Variants in PDZD8 observed in about 807,000 individuals in gnomAD.
PDZD8 encodes PDZ domain-containing protein 8.
A neutral mutation model predicts 85.8 loss-of-function variants in PDZD8; 14 were observed. The ratio of observed to expected loss-of-function variants is 0.16; its 90% CI spans 0.11 to 0.26. PDZD8 has a LOEUF of 0.26. Ranked by LOEUF, PDZD8 falls within the 10% of genes least tolerant of loss-of-function variation. The pLI is 1.00. For synonymous variants in PDZD8, 592 were observed against 568.6 expected (o/e 1.04, Z -0.59); for missense variants, 1,197 against 1,424.3 (o/e 0.84, Z 2.57).
intron 3 of PDZD8, among the ~76,000 whole-genome samples, chr10:117,308,223 C>T (rs1843976806): frequency 6.6e-6 from 1 of 152,160 alleles, no homozygotes; most frequent in Admixed American, 6.5e-5. Flanking sequence ...AATAAGCTTG[C>T]TGATATTCTC....
chr10:117,370,810 T>C (rs1317064068), intron 1 of PDZD8, among the ~76,000 whole-genome samples: 1 of 152,172 alleles, frequency 6.6e-6, no homozygotes, highest in East Asian at 1.9e-4. Context: ...ATCAGCTTTA[T>C]AGTCATACTC....
chr10:117,284,743 C>G lies in PDZD8; in HGVS notation c.1990G>C (p.Glu664Gln), dbSNP rs762088610. Residue 664 changes from glutamate to glutamine, a missense_variant, in exon 5 of 5, where the codon GAA becomes CAA. By Grantham distance (29) the Glu-to-Gln change is conservative. Around this residue, in one of 4 missense-constraint regions of PDZD8, gnomAD observed 263 missense variants for 261.9 expected, o/e 1.00. Coordinates refer to ENST00000334464, the MANE Select transcript of PDZD8 (RefSeq NM_173791.5). ...CTGTCCTTAGTAGGGCAGGAAGTTT[C>G]TGAAGTGACATCTTTGGCCACTTCT... ...KQEVAKDVTSETSCPTKDSSD... is the reference protein window; with the variant it reads ...KQEVAKDVTSQTSCPTKDSSD... 1.2e-6 allele frequency: 2 copies of G among 1,614,212 alleles called. No homozygotes were observed. Among genetic ancestry groups the G allele is most frequent in the Non-Finnish European group, 8.5e-7 (1 of 1,180,026 alleles).
chr10:117,368,806 T>G (rs1043361754), intron 1 of PDZD8, among the ~76,000 whole-genome samples: 1 of 152,072 alleles, frequency 6.6e-6, no homozygotes, highest in African/African-American at 2.4e-5. Context: ...CATTTTTTTT[T>G]TTCTGGCAGA....
chr10:117,321,367 C>G (rs1006854356), intron 2 of PDZD8, among the ~76,000 whole-genome samples: 1 of 152,036 alleles, frequency 6.6e-6, no homozygotes, highest in Non-Finnish European at 1.5e-5. Flanking sequence ...TGAAAAACTT[C>G]TAAGTGAAAT....
chr10:117,307,115 C>A (rs1010833753), intron 3 of PDZD8, among the ~76,000 whole-genome samples: 5 of 152,080 alleles, frequency 3.3e-5, no homozygotes, highest in Admixed American at 3.3e-4. Flanking sequence ...TTTAAGAACA[C>A]ACAAGCATAT....
In PDZD8 at chr10:117,278,984, T is replaced by C. The variant is rs1244154209; in HGVS notation, c.*4284A>G. ...CAAATTGGTTCTCTTTGAGGGTTTC[T>C]GGTTCTCCCTGCCCCCAATACCATA... On this transcript the variant is annotated 3_prime_UTR_variant, in exon 5 of 5. Coordinates refer to ENST00000334464, the MANE Select transcript of PDZD8 (RefSeq NM_173791.5). The C allele has an allele frequency of 6.6e-6, 1 of 152,222 alleles. No homozygotes were observed. Among genetic ancestry groups the C allele is most frequent in the African/African-American group, 2.4e-5 (1 of 41,450 alleles). 9.4% of individuals were successfully genotyped at this position (152,222 alleles called of 1,614,324 possible).
At position 117,322,190 on chromosome 10, in the gene PDZD8, G is replaced by A. The variant is rs556955228; in HGVS notation, c.996-3216C>T. On this transcript the variant is annotated intron_variant, in intron 2 of 4. Transcript: ENST00000334464. ...ATCCTAATAAGAACAAACCAAATAA[G>A]GGGCCCAAACAGACTTATAACTAAA... Among the ~76,000 whole-genome samples, 11 of 152,252 alleles carry A rather than the reference G, an allele frequency of 7.2e-5. No individual in the cohort carries two copies. In the South Asian group the frequency reaches 2.3e-3, roughly 32 times the overall value.
At chr10:117,354,870 C>T (rs1457698823) in intron 1 of PDZD8, among the ~76,000 whole-genome samples, 1 of 152,148 alleles carries the variant, frequency 6.6e-6, no homozygotes, top group Non-Finnish European at 1.5e-5. Flanking sequence ...ATTTATTATG[C>T]TTCAGAGCCA....
chr10:117,283,652 C>T lies in PDZD8; in HGVS notation c.3081G>A (p.Leu1027=). Residue 1027 remains leucine (L), a synonymous_variant, in exon 5 of 5, where the codon TTG becomes TTA. Coordinates refer to ENST00000334464, the MANE Select transcript of PDZD8 (RefSeq NM_173791.5). ...KEIGRDLYRG[L]PTEERIQKLE... Reference sequence around the variant, plus strand: ...GTTTCTGGATCCTTTCCTCTGTAGGCAAGCCCCTGTACAGATCACGACCAA... The same window carrying T: ...GTTTCTGGATCCTTTCCTCTGTAGGTAAGCCCCTGTACAGATCACGACCAA... 6.2e-7 allele frequency: 1 copy of T among 1,614,220 alleles called. No individual in the cohort carries two copies. Among genetic ancestry groups the T allele is most frequent in the Non-Finnish European group, 8.5e-7 (1 of 1,180,042 alleles).
intron 1 of PDZD8, among the ~76,000 whole-genome samples, chr10:117,360,426 T>G (rs10787770): frequency 6.6e-6 from 1 of 151,796 alleles, no homozygotes; most frequent in African/African-American, 2.4e-5. Flanking sequence ...ATCCAAACTC[T>G]TATTCTTTCC....
At chr10:117,350,877 C>T (rs574622490) in intron 1 of PDZD8, among the ~76,000 whole-genome samples, 25 of 140,476 alleles carry the variant, frequency 1.8e-4, no homozygotes, top group Admixed American at 7.2e-4. Context: ...GCACTCCAGC[C>T]TGGGTGACAA....
At chr10:117,358,036 A>G (rs1844931391) in intron 1 of PDZD8, among the ~76,000 whole-genome samples, 1 of 152,124 alleles carries the variant, frequency 6.6e-6, no homozygotes, top group Admixed American at 6.6e-5. Context: ...GACAACTGTT[A>G]AAGATGAGTG....
Position 117,285,240 on chromosome 10 carries a change from A to G in PDZD8, c.1493T>C (p.Phe498Ser). The change falls in exon 5 of 5, where the codon TTT becomes TCT. Residue 498 changes from phenylalanine to serine, a missense_variant. Physicochemically the swap from Phe to Ser is radical, Grantham distance 155 (BLOSUM62 -2). Transcript: ENST00000334464. ...TCTGACATCACTTGCCAAGTCTTCA[A>G]ATTCAGAATCCAGCTCTCTACTTTC... Reference protein sequence around the residue: ...DTESRELDSEFEDLASDVRAQ... With the variant: ...DTESRELDSESEDLASDVRAQ... The G allele has an allele frequency of 6.2e-7, 1 of 1,614,202 alleles. No homozygotes were observed. Among genetic ancestry groups the G allele is most frequent in the South Asian group, 1.1e-5 (1 of 91,084 alleles).
At chr10:117,356,596 A>C (rs1844898945) in intron 1 of PDZD8, among the ~76,000 whole-genome samples, 1 of 152,244 alleles carries the variant, frequency 6.6e-6, no homozygotes, top group African/African-American at 2.4e-5. Flanking sequence ...CATATTTGGC[A>C]GAAGTTATGT....
chr10:117,313,322 T>G (rs977501980), intron 3 of PDZD8, among the ~76,000 whole-genome samples: 2 of 152,222 alleles, frequency 1.3e-5, no homozygotes, highest in Non-Finnish European at 2.9e-5. Flanking sequence ...TTGATTTTTA[T>G]GTTGATTACA....
At chr10:117,294,338 A>AAC (rs1554955466) in intron 3 of PDZD8, among the ~76,000 whole-genome samples, 2,192 of 148,560 alleles carry the variant, frequency 0.015, 85 homozygotes, top group Admixed American at 0.087. Context: ...AAAAAAAAAA[A>AAC]AAAAAAACAA....
At chr10:117,360,035 A>G (rs1023263615) in intron 1 of PDZD8, among the ~76,000 whole-genome samples, 1 of 152,218 alleles carries the variant, frequency 6.6e-6, no homozygotes, top group African/African-American at 2.4e-5. Flanking sequence ...TCTACCTAAT[A>G]TAAAATGCTC....
chr10:117,340,409 G>A (rs1365755630), intron 2 of PDZD8, among the ~76,000 whole-genome samples: 1 of 152,094 alleles, frequency 6.6e-6, no homozygotes, highest in Non-Finnish European at 1.5e-5. Flanking sequence ...TGATCACCCT[G>A]GACTGTTTTT....
At chr10:117,354,525 A>C (rs1159100651) in intron 1 of PDZD8, among the ~76,000 whole-genome samples, 3 of 152,082 alleles carry the variant, frequency 2.0e-5, no homozygotes, top group African/African-American at 7.3e-5. Flanking sequence ...TCTAAAGCTA[A>C]ACTATTCTGT....
Sources: gnomAD v4.1 joint callset for allele counts (sites outside exome capture counted in the v4.1 genomes callset) on GRCh38, gnomAD v4.1.1 for gene constraint, gnomAD v4.1.1 regional missense constraint, MANE v1.5 for transcripts, NCBI Gene and HGNC (gene_info 2026-07-23, HGNC 2026-07-21) for gene names.